Variants in TSHZ2 observed in about 807,000 individuals in gnomAD.
TSHZ2 encodes teashirt zinc finger homeobox 2, also known as teashirt homolog 2.
In TSHZ2, 21 loss-of-function variants were observed where a neutral mutation model predicts 74.4. The observed-to-expected ratio is 0.28, with a 90% CI of 0.20 to 0.41. The LOEUF is 0.41. TSHZ2 is among the 10% of genes least tolerant of loss of function. The pLI, the probability that TSHZ2 is intolerant of heterozygous loss-of-function variation, is 1.00. For synonymous variants in TSHZ2, 540 were observed against 515.3 expected (o/e 1.05, Z -0.65); for missense variants, 1,244 against 1,293.5 (o/e 0.96, Z 0.59).
chr20:53,356,293 A>G (rs949158382), intron 2 of TSHZ2, among the ~76,000 whole-genome samples: 1 of 152,196 alleles, frequency 6.6e-6, no homozygotes, highest in Admixed American at 6.5e-5. Flanking sequence ...TACTCAAGAA[A>G]TCTGAGGGAT....
At chr20:53,037,703 T>A (rs1184416536) in intron 1 of TSHZ2, among the ~76,000 whole-genome samples, 4 of 152,214 alleles carry the variant, frequency 2.6e-5, no homozygotes, top group Non-Finnish European at 5.9e-5. Context: ...TGAATGAAGC[T>A]TTTTGCTTAA....
intron 1 of TSHZ2, among the ~76,000 whole-genome samples, chr20:53,015,547 C>T (rs1408758664): frequency 6.6e-6 from 1 of 152,174 alleles, no homozygotes; most frequent in Non-Finnish European, 1.5e-5. Context: ...GATGGGGCCT[C>T]TTCTGTCTGG....
At chr20:53,455,329 GCAGAGGTC>G (rs1445264734) in intron 2 of TSHZ2, 1 of 152,140 alleles carries the variant, frequency 6.6e-6, no homozygotes, top group African/African-American at 2.4e-5. Context: ...CTTACCAGAG[GCAGAGGTC>G]CTATCTGTCT....
intron 2 of TSHZ2, among the ~76,000 whole-genome samples, chr20:53,472,719 T>C (rs1985853089): frequency 6.6e-6 from 1 of 151,510 alleles, no homozygotes; most frequent in East Asian, 2.0e-4. Flanking sequence ...CAGAAGACGG[T>C]GATTTCTGCA....
intron 1 of TSHZ2, among the ~76,000 whole-genome samples, chr20:53,157,885 C>A (rs548381635): frequency 6.6e-5 from 10 of 152,218 alleles, no homozygotes; most frequent in Admixed American, 5.2e-4. Flanking sequence ...AGGTTCCTGA[C>A]CTCAAGAAGG....
intron 1 of TSHZ2, among the ~76,000 whole-genome samples, chr20:53,060,353 C>T (rs1984780094): frequency 6.6e-6 from 1 of 152,106 alleles, no homozygotes; most frequent in Admixed American, 6.5e-5. Context: ...GAGCTGTTTC[C>T]CTGCTACTCA....
At chr20:53,182,095 TTTCC>T (rs757937239) in intron 1 of TSHZ2, among the ~76,000 whole-genome samples, 46 of 151,468 alleles carry the variant, frequency 3.0e-4, no homozygotes, top group Admixed American at 4.6e-4. Context: ...CCTGCCTTCC[TTTCC>T]TTCCTTCCTT....
At chr20:53,185,338 A>G (rs1988574673) in intron 1 of TSHZ2, 1 of 1,131,152 alleles carries the variant, frequency 8.8e-7, no homozygotes, top group East Asian at 5.0e-5. Context: ...ACATCTGAAA[A>G]CACAAAATCT....
intron 1 of TSHZ2, among the ~76,000 whole-genome samples, chr20:52,988,861 A>G (rs1429372479): frequency 6.6e-6 from 1 of 152,176 alleles, no homozygotes; most frequent in Non-Finnish European, 1.5e-5. Context: ...GACGCTGCTC[A>G]TCTGTTCCTG....
chr20:53,301,738 C>G (rs2145482078), intron 2 of TSHZ2, among the ~76,000 whole-genome samples: 1 of 152,322 alleles, frequency 6.6e-6, no homozygotes, highest in African/African-American at 2.4e-5. Context: ...ACCCGCTCAT[C>G]CCTAAAAGCA....
intron 1 of TSHZ2, among the ~76,000 whole-genome samples, chr20:53,104,833 G>A (rs1986317874): frequency 6.6e-6 from 1 of 152,104 alleles, no homozygotes; most frequent in African/African-American, 2.4e-5. Context: ...AAATATGCAA[G>A]GCATCGAAGC....
At chr20:53,269,505 C>T (rs2123756419) in intron 2 of TSHZ2, among the ~76,000 whole-genome samples, 1 of 152,226 alleles carries the variant, frequency 6.6e-6, no homozygotes, top group African/African-American at 2.4e-5. Flanking sequence ...GGTGGCTAAG[C>T]CATGCTTGGG....
At chr20:53,474,941 T>A (rs1435053597) in intron 2 of TSHZ2, among the ~76,000 whole-genome samples, 1 of 140,842 alleles carries the variant, frequency 7.1e-6, no homozygotes, top group Non-Finnish European at 1.5e-5. Flanking sequence ...AGGGATCAAT[T>A]GAACAAGAAG....
intron 2 of TSHZ2, among the ~76,000 whole-genome samples, chr20:53,337,219 A>G (rs1282190383): frequency 6.6e-6 from 1 of 152,196 alleles, no homozygotes; most frequent in Non-Finnish European, 1.5e-5. Context: ...CCCTGCATGC[A>G]TTGTTGAAGA....
chr20:53,420,771 AAAAG>A (rs1347433921), intron 2 of TSHZ2, among the ~76,000 whole-genome samples: 2 of 152,130 alleles, frequency 1.3e-5, no homozygotes, highest in African/African-American at 4.8e-5. Flanking sequence ...TCAAAAACAA[AAAAG>A]AAAAAGTGTG....
At chr20:53,175,693 C>T (rs1988320648) in intron 1 of TSHZ2, among the ~76,000 whole-genome samples, 1 of 152,188 alleles carries the variant, frequency 6.6e-6, no homozygotes, top group Admixed American at 6.5e-5. Flanking sequence ...TGCTCCAGGC[C>T]ATACAGTGAA....
chr20:53,222,035 C>T (rs556685824), intron 1 of TSHZ2, among the ~76,000 whole-genome samples: 25 of 152,198 alleles, frequency 1.6e-4, no homozygotes, highest in African/African-American at 5.8e-4. Flanking sequence ...GGATACATGT[C>T]CCTAAGTATT....
intron 2 of TSHZ2, among the ~76,000 whole-genome samples, chr20:53,269,434 C>T (rs1043270345): frequency 2.6e-5 from 4 of 152,274 alleles, no homozygotes; most frequent in Admixed American, 2.6e-4. Flanking sequence ...TCCAACTTTC[C>T]CATTCTCTTC....
At chr20:53,224,706 TG>T (rs2123651899) in intron 1 of TSHZ2, among the ~76,000 whole-genome samples, 1 of 151,936 alleles carries the variant, frequency 6.6e-6, no homozygotes, top group South Asian at 2.1e-4. Context: ...AAAAATTAGC[TG>T]GGTGCGGTGG....
Sources: allele counts gnomAD v4.1 joint callset (sites outside exome capture counted in the v4.1 genomes callset), GRCh38; gene constraint gnomAD v4.1.1; transcripts MANE v1.5; gene names NCBI Gene and HGNC (gene_info 2026-07-23, HGNC 2026-07-21).